Variants in ZBTB20 observed in about 807,000 individuals in gnomAD.
ZBTB20 encodes zinc finger and BTB domain containing 20, also known as zinc finger and BTB domain-containing protein 20.
In ZBTB20, 9 loss-of-function variants were observed where a neutral mutation model predicts 56.9. The ratio of observed to expected loss-of-function variants is 0.16; its 90% confidence interval spans 0.10 to 0.28. The LOEUF is 0.28. Among genes scored for constraint, ZBTB20 ranks in the 10% least tolerant of loss-of-function variants. The probability of loss-of-function intolerance (pLI) is 1.00; values close to 1 mark genes in which losing one functional copy is unlikely to be tolerated. For synonymous variants in ZBTB20, 417 were observed against 420.7 expected (o/e 0.99, Z 0.11); for missense variants, 655 against 1,003.0 (o/e 0.65, Z 4.69).
At chr3:114,951,251 T>C (rs971661737) in intron 3 of ZBTB20, among the ~76,000 whole-genome samples, 2 of 152,158 alleles carry the variant, frequency 1.3e-5, no homozygotes, top group Non-Finnish European at 2.9e-5. Flanking sequence ...TTGTTTTTTT[T>C]TCTCTGTTTT....
intron 5 of ZBTB20, among the ~76,000 whole-genome samples, chr3:114,744,866 G>A (rs1372229129): frequency 1.3e-5 from 2 of 152,016 alleles, no homozygotes; most frequent in African/African-American, 4.8e-5. Flanking sequence ...CTGTCCTAGT[G>A]CAATGGTGAA....
intron 5 of ZBTB20, among the ~76,000 whole-genome samples, chr3:114,782,480 A>C (rs1398138416): frequency 1.3e-5 from 2 of 152,158 alleles, no homozygotes; most frequent in Non-Finnish European, 2.9e-5. Flanking sequence ...AAATGCTCTA[A>C]GTGAGCATGA....
At chr3:114,957,760 G>T (rs781395580) in intron 3 of ZBTB20, among the ~76,000 whole-genome samples, 1 of 152,116 alleles carries the variant, frequency 6.6e-6, no homozygotes, top group African/African-American at 2.4e-5. Flanking sequence ...ATAGACAAAA[G>T]GTTGCTAGCT....
intron 7 of ZBTB20, among the ~76,000 whole-genome samples, chr3:114,390,803 C>A (rs1402709202): frequency 6.6e-6 from 1 of 152,212 alleles, no homozygotes; most frequent in African/African-American, 2.4e-5. Flanking sequence ...AACAGGGTCT[C>A]TAACTTTGAG....
chr3:115,083,678 C>A (rs893449669), intron 1 of ZBTB20, among the ~76,000 whole-genome samples: 1 of 151,844 alleles, frequency 6.6e-6, no homozygotes, highest in African/African-American at 2.4e-5. Context: ...TGCTATAATT[C>A]CAATTTTCTA....
intron 1 of ZBTB20, among the ~76,000 whole-genome samples, chr3:115,142,655 C>A (rs1191237719): frequency 4.3e-5 from 6 of 140,888 alleles, no homozygotes; most frequent in African/African-American, 1.6e-4. Context: ...GAGCAAGACT[C>A]CATCAAAAAA....
At chr3:115,099,732 A>G (rs2083509713) in intron 1 of ZBTB20, among the ~76,000 whole-genome samples, 1 of 152,220 alleles carries the variant, frequency 6.6e-6, no homozygotes, top group South Asian at 2.1e-4. Flanking sequence ...CTGGCACTGC[A>G]GCTAAAACTC....
intron 4 of ZBTB20, among the ~76,000 whole-genome samples, chr3:114,862,358 A>G (rs1166979359): frequency 1.3e-5 from 2 of 152,004 alleles, no homozygotes; most frequent in Non-Finnish European, 2.9e-5. Flanking sequence ...GTGGATGCCC[A>G]GGGAAGATTA....
intron 4 of ZBTB20, among the ~76,000 whole-genome samples, chr3:114,871,651 G>T (rs2076016308): frequency 2.6e-5 from 4 of 152,114 alleles, no homozygotes; most frequent in Admixed American, 2.0e-4. Context: ...ATGAAGTTAA[G>T]TATTTAAGGT....
At chr3:114,840,148 A>C (rs1176125146) in intron 4 of ZBTB20, among the ~76,000 whole-genome samples, 1 of 152,184 alleles carries the variant, frequency 6.6e-6, no homozygotes. Flanking sequence ...TCTTTGAACA[A>C]GTTACTTTAT....
chr3:114,357,043 AG>A (rs2081327770), intron 10 of ZBTB20: 1 of 152,202 alleles, frequency 6.6e-6, no homozygotes, highest in South Asian at 2.1e-4. Flanking sequence ...TTACCTCTGT[AG>A]TGAGACTAGG....
intron 8 of ZBTB20, among the ~76,000 whole-genome samples, chr3:114,385,354 G>A (rs2084972027): frequency 6.6e-6 from 1 of 152,136 alleles, no homozygotes; most frequent in Admixed American, 6.5e-5. Context: ...CTACCTATTA[G>A]CTGTATGTCC....
chr3:114,446,860 C>A (rs2091304566), intron 7 of ZBTB20, among the ~76,000 whole-genome samples: 1 of 152,100 alleles, frequency 6.6e-6, no homozygotes, highest in South Asian at 2.1e-4. Context: ...GTACTAAAGC[C>A]AAGACCAGTT....
intron 2 of ZBTB20, among the ~76,000 whole-genome samples, chr3:115,009,271 G>C (rs1019301304): frequency 3.3e-5 from 5 of 151,706 alleles, no homozygotes; most frequent in Admixed American, 2.6e-4. Context: ...GTTAAAAATT[G>C]TGTGAGTAAA....
chr3:114,972,052 T>C (rs746493535), intron 3 of ZBTB20, among the ~76,000 whole-genome samples: 4 of 152,242 alleles, frequency 2.6e-5, no homozygotes, highest in Non-Finnish European at 5.9e-5. Flanking sequence ...ACTGTGGTTA[T>C]AGAATGTTGA....
At chr3:114,884,771 T>G (rs2076540622) in intron 4 of ZBTB20, among the ~76,000 whole-genome samples, 1 of 152,180 alleles carries the variant, frequency 6.6e-6, no homozygotes, top group African/African-American at 2.4e-5. Flanking sequence ...AAAATAAGTT[T>G]AACCCTTCAT....
chr3:114,420,954 A>G (rs35966599), intron 7 of ZBTB20, among the ~76,000 whole-genome samples: 102,393 of 151,998 alleles, frequency 0.67, 37,374 homozygotes, highest in Non-Finnish European at 0.82. Flanking sequence ...GAAAGAAAGT[A>G]GCCTAGCACA....
intron 2 of ZBTB20, among the ~76,000 whole-genome samples, chr3:115,003,978 A>G (rs977022294): frequency 1.3e-5 from 2 of 151,686 alleles, no homozygotes; most frequent in Non-Finnish European, 2.9e-5. Flanking sequence ...GTTATTTATA[A>G]AATTTTTAAA....
chr3:114,407,871 T>C (rs2087487568), intron 7 of ZBTB20, among the ~76,000 whole-genome samples: 1 of 150,218 alleles, frequency 6.7e-6, no homozygotes, highest in African/African-American at 2.5e-5. Flanking sequence ...CTTAAAACTG[T>C]TGGGAGGAAG....
Sources: allele counts gnomAD v4.1 joint callset (sites outside exome capture counted in the v4.1 genomes callset), GRCh38; gene constraint gnomAD v4.1.1; transcripts MANE v1.5; gene names NCBI Gene and HGNC (gene_info 2026-07-23, HGNC 2026-07-21).